DOCK5: variants seen among roughly 807,000 people sequenced by gnomAD.
The protein encoded by DOCK5 is dedicator of cytokinesis 5.
Under a neutral mutation model 251.8 loss-of-function variants are expected in DOCK5, and 142 were observed. That is an observed-to-expected ratio of 0.56 (90% CI 0.49 to 0.65). DOCK5 has a LOEUF of 0.65. DOCK5 is among the 30% of genes least tolerant of loss of function. The pLI, the probability that DOCK5 is intolerant of heterozygous loss-of-function variation, is 0.00. For missense variants in DOCK5, 2,111 were observed against 2,312.3 expected (o/e 0.91, Z 1.79); for synonymous variants, 842 against 835.5 (o/e 1.01, Z -0.13).
intron 1 of DOCK5, among the ~76,000 whole-genome samples, chr8:25,234,580 T>A (rs1038916552): frequency 1.3e-5 from 2 of 152,222 alleles, no homozygotes; most frequent in African/African-American, 4.8e-5. Flanking sequence ...ACTATAGGCA[T>A]GAATAACATT....
intron 20 of DOCK5, among the ~76,000 whole-genome samples, chr8:25,333,362 T>G (rs531051278): frequency 1.3e-5 from 2 of 152,210 alleles, no homozygotes; most frequent in East Asian, 3.9e-4. Flanking sequence ...GAGAAACTAG[T>G]CAGTTTAGGA....
In DOCK5 at chr8:25,386,168, T is replaced by C. The variant is rs377482859; in HGVS notation, c.4132-2923T>C. Among the ~76,000 whole-genome samples, 4 of 152,180 alleles carry C rather than the reference T, an allele frequency of 2.6e-5. No individual in the cohort carries two copies. In the East Asian group the frequency reaches 7.7e-4, roughly 29 times the overall value. On this transcript the variant is annotated intron_variant, in intron 40 of 51. Coordinates refer to ENST00000276440, the MANE Select transcript of DOCK5 (RefSeq NM_024940.8). ...AAAGGCACAAGTCAACCATTAGCTG[T>C]ATAGATCTGGAACTCAAGTGAAGTT...
At chr8:25,242,381 G>C (rs577408357) in intron 1 of DOCK5, among the ~76,000 whole-genome samples, 1 of 152,234 alleles carries the variant, frequency 6.6e-6, no homozygotes, top group African/African-American at 2.4e-5. Context: ...TTAACTTTTT[G>C]AGAAGTTCCC....
At chr8:25,306,004 C>T (rs563360732) in intron 11 of DOCK5, among the ~76,000 whole-genome samples, 9 of 152,254 alleles carry the variant, frequency 5.9e-5, no homozygotes, top group South Asian at 4.1e-4. Flanking sequence ...TCCACACCTT[C>T]GGACCAGTTT....
chr8:25,382,039 G>T (rs532305701), intron 39 of DOCK5, among the ~76,000 whole-genome samples: 10 of 152,130 alleles, frequency 6.6e-5, no homozygotes, highest in African/African-American at 2.4e-4. Flanking sequence ...TTCAAAACAG[G>T]GTCTCACTCT....
intron 26 of DOCK5, among the ~76,000 whole-genome samples, chr8:25,348,054 A>G (rs1800401708): frequency 6.6e-6 from 1 of 152,224 alleles, no homozygotes; most frequent in South Asian, 2.1e-4. Flanking sequence ...TAGTAAGTCC[A>G]ATCGTTTTTT....
intron 7 of DOCK5, among the ~76,000 whole-genome samples, chr8:25,297,509 C>T (rs1413763932): frequency 2.6e-5 from 4 of 152,140 alleles, no homozygotes; most frequent in African/African-American, 7.2e-5. Flanking sequence ...CTGCCTTGGC[C>T]TCCCAAAGTG....
intron 47 of DOCK5, among the ~76,000 whole-genome samples, chr8:25,402,159 C>G (rs2117337191): frequency 6.6e-6 from 1 of 152,274 alleles, no homozygotes; most frequent in African/African-American, 2.4e-5. Flanking sequence ...GACAGGATCT[C>G]TCTTTGTCAC....
chr8:25,241,798 T>C (rs1802953871), intron 1 of DOCK5, among the ~76,000 whole-genome samples: 1 of 151,728 alleles, frequency 6.6e-6, no homozygotes, highest in Non-Finnish European at 1.5e-5. Flanking sequence ...GTGGCATATA[T>C]ACACCGTGGA....
At chr8:25,230,211 A>T (rs1488241218) in intron 1 of DOCK5, among the ~76,000 whole-genome samples, 1 of 152,172 alleles carries the variant, frequency 6.6e-6, no homozygotes, top group Non-Finnish European at 1.5e-5. Context: ...TGAGGCTCAC[A>T]TATAGTAATG....
At position 25,413,678 on chromosome 8, in the gene DOCK5, C is replaced by G. The variant is rs949787617; in HGVS notation, c.*2380C>G. 4 of 152,204 alleles carry G rather than the reference C, an allele frequency of 2.6e-5. No homozygotes were observed. The highest frequency in any genetic ancestry group is 5.9e-5 in the Non-Finnish European group (4 of 68,052). 9.4% of individuals were successfully genotyped at this position (152,204 alleles called of 1,614,324 possible). On this transcript the variant is annotated 3_prime_UTR_variant, in exon 52 of 52. Transcript: ENST00000276440. ...CCACAGCCTGGTCTTTGAGCAGAGG[C>G]TGGGAAGATAGGATACATCACTGTC...
intron 47 of DOCK5, among the ~76,000 whole-genome samples, chr8:25,401,989 A>G (rs1300788313): frequency 6.6e-6 from 1 of 152,150 alleles, no homozygotes; most frequent in Non-Finnish European, 1.5e-5. Flanking sequence ...TCTCCTCCTG[A>G]GCAGTTCAGT....
chr8:25,243,887 G>A, intron 2 of DOCK5, 130 bp downstream of exon 2: 1 of 859,710 alleles, frequency 1.2e-6, no homozygotes, highest in Non-Finnish European at 1.8e-6. Flanking sequence ...AATTCAGGAA[G>A]TACTTGGGTG....
At chr8:25,280,119 G>A (rs771787774) in intron 5 of DOCK5, among the ~76,000 whole-genome samples, 1 of 152,222 alleles carries the variant, frequency 6.6e-6, no homozygotes, top group African/African-American at 2.4e-5. Flanking sequence ...TTGTAGTTCA[G>A]CATCACTGGG....
At chr8:25,279,506 G>A (rs1017283044) in intron 5 of DOCK5, among the ~76,000 whole-genome samples, 7 of 149,492 alleles carry the variant, frequency 4.7e-5, no homozygotes, top group East Asian at 2.0e-4. Flanking sequence ...TCACTCTTTC[G>A]CCCAAGCTGG....
At chr8:25,330,113 C>A (rs971173143) in intron 18 of DOCK5, among the ~76,000 whole-genome samples, 1 of 152,122 alleles carries the variant, frequency 6.6e-6, no homozygotes, top group Non-Finnish European at 1.5e-5. Context: ...TTTCCTCCAG[C>A]AGCTATGAGT....
intron 14 of DOCK5, among the ~76,000 whole-genome samples, chr8:25,319,216 C>T (rs572164139): frequency 4.6e-5 from 7 of 152,134 alleles, no homozygotes; most frequent in African/African-American, 7.2e-5. Context: ...CAAATAGCGG[C>T]GCGTCTGCAG....
At chr8:25,336,443 C>A in intron 22 of DOCK5, 70 bp downstream of exon 22, 1 of 1,570,844 alleles carries the variant, frequency 6.4e-7, no homozygotes, top group Non-Finnish European at 8.7e-7. Flanking sequence ...CCTCACTCTG[C>A]ACAGTGGTGT....
intron 42 of DOCK5, among the ~76,000 whole-genome samples, 187 bp downstream of exon 42, chr8:25,390,474 A>T (rs911811761): frequency 6.6e-6 from 1 of 152,098 alleles, no homozygotes; most frequent in Non-Finnish European, 1.5e-5. Flanking sequence ...TCTCCCTCAC[A>T]CCTGTTTGGA....
Sources: allele counts gnomAD v4.1 joint callset (sites outside exome capture counted in the v4.1 genomes callset), GRCh38; gene constraint gnomAD v4.1.1; transcripts MANE v1.5; gene names NCBI Gene and HGNC (gene_info 2026-07-23, HGNC 2026-07-21).